The following GUCY1A2 variants were observed in gnomAD, a reference collection of about 807,000 sequenced individuals.
GUCY1A2 encodes the protein guanylate cyclase 1 soluble subunit alpha 2, also known as guanylate cyclase soluble subunit alpha-2.
A neutral mutation model predicts 63.5 loss-of-function variants in GUCY1A2; 27 were observed. The observed-to-expected ratio is 0.43, with a 90% CI of 0.31 to 0.59. GUCY1A2 has a LOEUF of 0.59. Among genes scored for constraint, GUCY1A2 ranks in the 20% least tolerant of loss-of-function variants. The pLI is 0.11. For missense variants in GUCY1A2, 768 were observed against 913.3 expected (o/e 0.84, Z 2.05); for synonymous variants, 364 against 343.5 (o/e 1.06, Z -0.66).
chr11:106,817,778 A>G (rs1858850959), intron 4 of GUCY1A2, among the ~76,000 whole-genome samples: 1 of 152,126 alleles, frequency 6.6e-6, no homozygotes, highest in African/African-American at 2.4e-5. Flanking sequence ...GATAAATACA[A>G]ATTAAAACTA....
chr11:106,714,296 A>G (rs1388031976), intron 6 of GUCY1A2, among the ~76,000 whole-genome samples: 1 of 152,304 alleles, frequency 6.6e-6, no homozygotes, highest in East Asian at 1.9e-4. Flanking sequence ...CCACATAAAC[A>G]GCACTGACCC....
Position 106,875,321 on chromosome 11 carries a change from C to A in GUCY1A2, c.1206+64139G>T, listed in dbSNP as rs188536203. On this transcript the variant is annotated intron_variant, in intron 4 of 7. Transcript: ENST00000526355. ...AGGGACCTTGAAGAGACTTTGGAGC[C>A]CAAGTAAGAGTTCTGGTTGTATGTG... 5.9e-5 allele frequency among the ~76,000 whole-genome samples: 9 copies of A among 151,980 alleles called. No individual in the cohort carries two copies. The South Asian group carries it at 1.0e-3, about 18-fold the overall frequency.
chr11:106,870,114 G>GGGA (rs1475807286), intron 4 of GUCY1A2, among the ~76,000 whole-genome samples: 1 of 126,148 alleles, frequency 7.9e-6, no homozygotes, highest in Non-Finnish European at 1.7e-5. Flanking sequence ...GTGAGGGGGG[G>GGGA]GGAGGGGGGA....
intron 6 of GUCY1A2, among the ~76,000 whole-genome samples, chr11:106,709,536 ATATAT>A (rs570360629): frequency 0.02 from 1,495 of 73,694 alleles, 87 homozygotes; most frequent in African/African-American, 0.066. Context: ...TAATAATATA[ATATAT>A]TATATTATTA....
At chr11:106,963,802 C>T (rs758625656) in intron 3 of GUCY1A2, among the ~76,000 whole-genome samples, 5 of 152,016 alleles carry the variant, frequency 3.3e-5, no homozygotes, top group South Asian at 2.1e-4. Context: ...TGGTGATGTC[C>T]GTTTGTTTTT....
intron 4 of GUCY1A2, among the ~76,000 whole-genome samples, chr11:106,887,810 G>A (rs1202813966): frequency 1.3e-5 from 2 of 152,164 alleles, no homozygotes; most frequent in Non-Finnish European, 2.9e-5. Context: ...AACTAAGGTA[G>A]GTAGAGATAT....
intron 4 of GUCY1A2, among the ~76,000 whole-genome samples, chr11:106,820,034 A>G (rs1858880711): frequency 6.6e-6 from 1 of 152,222 alleles, no homozygotes; most frequent in Non-Finnish European, 1.5e-5. Flanking sequence ...CTTTCAGTTA[A>G]AACATAAATA....
intron 4 of GUCY1A2, among the ~76,000 whole-genome samples, chr11:106,932,539 T>C (rs897280219): frequency 4.6e-5 from 7 of 152,146 alleles, no homozygotes; most frequent in Admixed American, 4.6e-4. Context: ...AAAATGGCCA[T>C]ACTGCCCAAA....
chr11:106,781,507 C>T (rs993906505), intron 5 of GUCY1A2, among the ~76,000 whole-genome samples: 2 of 152,130 alleles, frequency 1.3e-5, no homozygotes, highest in Non-Finnish European at 2.9e-5. Flanking sequence ...AAAATCTTTA[C>T]ATTATTCCAG....
At chr11:106,992,598 G>A (rs1466341014) in intron 1 of GUCY1A2, among the ~76,000 whole-genome samples, 1 of 152,040 alleles carries the variant, frequency 6.6e-6, no homozygotes, top group Non-Finnish European at 1.5e-5. Context: ...CCAAAGTGCT[G>A]GGATTACAGG....
intron 6 of GUCY1A2, among the ~76,000 whole-genome samples, chr11:106,751,152 C>T (rs1026109992): frequency 6.6e-6 from 1 of 152,026 alleles, no homozygotes; most frequent in Admixed American, 6.6e-5. Flanking sequence ...CTACTTTTCA[C>T]TGCAAAGGTT....
Position 106,769,411 on chromosome 11 carries a change from GGGAAGTATTGGCAAGTTGGAA to G in GUCY1A2, c.1836+7007_1836+7027del, listed in dbSNP as rs557584369. ...ATCAATAATTTTTACAACCAACTGA[GGGAAGTATTGGCAAGTTGGAA>G]AATAGATCTAAGGAGAGTATGTAGA... On this transcript the variant is annotated intron_variant, in intron 6 of 7. Coordinates refer to ENST00000526355, the MANE Select transcript of GUCY1A2 (RefSeq NM_000855.3). Among the ~76,000 whole-genome samples, 956 of 152,196 alleles carry G rather than the reference GGGAAGTATTGGCAAGTTGGAA, an allele frequency of 6.3e-3. 11 individuals carry two copies. The highest frequency in any genetic ancestry group is 0.022 in the African/African-American group (903 of 41,512).
At chr11:106,743,812 G>C (rs80025316) in intron 6 of GUCY1A2, among the ~76,000 whole-genome samples, 128 of 152,230 alleles carry the variant, frequency 8.4e-4, no homozygotes, top group African/African-American at 3.0e-3. Context: ...CAAAGTCCTA[G>C]GGTAGTGTTT....
At chr11:106,720,773 T>A (rs181644564) in intron 6 of GUCY1A2, among the ~76,000 whole-genome samples, 6 of 152,296 alleles carry the variant, frequency 3.9e-5, no homozygotes, top group Admixed American at 3.9e-4. Flanking sequence ...GATTACCAAA[T>A]GTAATGTGGT....
rs564259989 is a variant in GUCY1A2 at position 106,714,049 on chromosome 11, T to C, written c.1837-5383A>G. ...TAAAAAAAAAAAACAAACTCCATAC[T>C]CCATACCAACTATTTGAAAGGCTTA... On this transcript the variant is annotated intron_variant, in intron 6 of 7. Coordinates refer to ENST00000526355, the MANE Select transcript of GUCY1A2 (RefSeq NM_000855.3). Among the ~76,000 whole-genome samples the C allele has an allele frequency of 1.2e-3, 183 of 151,476 alleles. 1 individual carries two copies. The highest frequency in any genetic ancestry group is 3.4e-3 in the Middle Eastern group (1 of 294).
rs138691879 is a variant in GUCY1A2, at chr11:106,711,706, A to C, written c.1837-3040T>G. 1.2e-3 allele frequency among the ~76,000 whole-genome samples: 180 copies of C among 152,176 alleles called. 6 individuals carry two copies. In the East Asian group the frequency reaches 0.026, roughly 22 times the overall value. ...TTCTTCTTCCTACAGGACTTCTTAA[A>C]TATTTCTTATACTGTAGGCCCACTG... On this transcript the variant is annotated intron_variant, in intron 6 of 7. Transcript: ENST00000526355.
chr11:106,926,089 C>A (rs1298373625), intron 4 of GUCY1A2, among the ~76,000 whole-genome samples: 1 of 152,078 alleles, frequency 6.6e-6, no homozygotes, highest in Non-Finnish European at 1.5e-5. Context: ...ATACTTCAGT[C>A]CATTTTTATA....
At chr11:106,713,825 T>C (rs964883958) in intron 6 of GUCY1A2, among the ~76,000 whole-genome samples, 1 of 152,036 alleles carries the variant, frequency 6.6e-6, no homozygotes, top group African/African-American at 2.4e-5. Flanking sequence ...TATATTTCTT[T>C]GGGTTTGTTT....
At chr11:106,695,307 T>A (rs918233816) in intron 7 of GUCY1A2, among the ~76,000 whole-genome samples, 57 of 152,174 alleles carry the variant, frequency 3.7e-4, no homozygotes, top group African/African-American at 1.4e-3. Flanking sequence ...AAAGATTAAT[T>A]ATTAACTTCC....
Sources: allele counts gnomAD v4.1 joint callset (sites outside exome capture counted in the v4.1 genomes callset), GRCh38; gene constraint gnomAD v4.1.1; transcripts MANE v1.5; gene names NCBI Gene and HGNC (gene_info 2026-07-23, HGNC 2026-07-21).